The following OPCML variants were observed in gnomAD, a reference collection of about 807,000 sequenced individuals.
The protein encoded by OPCML is opioid-binding protein/cell adhesion molecule.
Under a neutral mutation model 37.8 loss-of-function variants are expected in OPCML, and 13 were observed. The ratio of observed to expected loss-of-function variants is 0.34; its 90% CI spans 0.22 to 0.55. The LOEUF is 0.55. Ranked by LOEUF, OPCML falls within the 20% of genes least tolerant of loss-of-function variation. OPCML has a pLI of 0.91. For synonymous variants in OPCML, 176 were observed against 168.8 expected, an observed-to-expected ratio of 1.04 and a Z score of -0.33; for missense variants, 341 against 435.6, an observed-to-expected ratio of 0.78 and a Z score of 1.93.
intron 2 of OPCML, among the ~76,000 whole-genome samples, chr11:132,908,215 A>G (rs1944308584): frequency 6.6e-6 from 1 of 152,134 alleles, no homozygotes; most frequent in Non-Finnish European, 1.5e-5. Flanking sequence ...CAGGAGCATG[A>G]CAAATGATGT....
At chr11:132,785,819 C>T (rs1349633328) in intron 2 of OPCML, among the ~76,000 whole-genome samples, 1 of 152,216 alleles carries the variant, frequency 6.6e-6, no homozygotes, top group Non-Finnish European at 1.5e-5. Flanking sequence ...TCCCAACCTA[C>T]AGAGGGAGAC....
chr11:132,968,425 C>T (rs964958411), intron 1 of OPCML, among the ~76,000 whole-genome samples: 9 of 152,292 alleles, frequency 5.9e-5, no homozygotes, highest in Admixed American at 3.9e-4. Flanking sequence ...GGAAAGGGGC[C>T]TGAGCATGCT....
At chr11:133,505,823 C>T (rs1948018140) in intron 1 of OPCML, among the ~76,000 whole-genome samples, 1 of 152,178 alleles carries the variant, frequency 6.6e-6, no homozygotes, top group African/African-American at 2.4e-5. Context: ...TGAAGCCTTC[C>T]CTGCTAGGAG....
chr11:133,179,022 C>G (rs1386165868), intron 1 of OPCML, among the ~76,000 whole-genome samples: 1 of 152,134 alleles, frequency 6.6e-6, no homozygotes, highest in African/African-American at 2.4e-5. Flanking sequence ...GCTATTCCCC[C>G]TCCCCCATTT....
chr11:133,421,338 G>A (rs1165201228), intron 1 of OPCML: 1 of 985,274 alleles, frequency 1.0e-6, no homozygotes, highest in Non-Finnish European at 1.2e-6. Context: ...AGCAGTACAG[G>A]AAATGATTAC....
intron 2 of OPCML, among the ~76,000 whole-genome samples, chr11:132,919,104 A>G (rs560146146): frequency 1.2e-3 from 183 of 152,310 alleles, no homozygotes; most frequent in Non-Finnish European, 2.3e-3. Flanking sequence ...AAGTAGATAG[A>G]TAATGAGTTG....
intron 1 of OPCML, among the ~76,000 whole-genome samples, chr11:133,044,160 G>A (rs1947960522): frequency 6.6e-6 from 1 of 152,174 alleles, no homozygotes; most frequent in Non-Finnish European, 1.5e-5. Context: ...ATGTGAGAAG[G>A]GTGTGTGCAT....
At chr11:132,794,088 C>T (rs1392059045) in intron 2 of OPCML, among the ~76,000 whole-genome samples, 3 of 152,206 alleles carry the variant, frequency 2.0e-5, no homozygotes, top group Non-Finnish European at 4.4e-5. Flanking sequence ...TGAAATCCTC[C>T]TACCTCCACC....
chr11:132,840,718 C>T (rs1941250242), intron 2 of OPCML, among the ~76,000 whole-genome samples: 1 of 152,162 alleles, frequency 6.6e-6, no homozygotes, highest in Admixed American at 6.5e-5. Flanking sequence ...TTCACATTCG[C>T]TTTTATAATT....
At chr11:132,460,457 C>T (rs1458586713) in intron 4 of OPCML, among the ~76,000 whole-genome samples, 4 of 152,170 alleles carry the variant, frequency 2.6e-5, no homozygotes, top group Admixed American at 6.5e-5. Flanking sequence ...TGAGTATCCT[C>T]AGGGGTCAAT....
intron 2 of OPCML, among the ~76,000 whole-genome samples, chr11:132,758,393 G>A (rs1214558412): frequency 6.6e-6 from 1 of 152,116 alleles, no homozygotes; most frequent in Non-Finnish European, 1.5e-5. Flanking sequence ...ATTACTTTGG[G>A]CAGTATGGCC....
At chr11:132,645,947 C>T (rs965775925) in intron 3 of OPCML, among the ~76,000 whole-genome samples, 2 of 152,058 alleles carry the variant, frequency 1.3e-5, no homozygotes, top group African/African-American at 4.8e-5. Context: ...GGGAGAAGAA[C>T]ATTAAAGGCA....
intron 1 of OPCML, among the ~76,000 whole-genome samples, chr11:132,984,856 G>A (rs1191328332): frequency 6.6e-6 from 1 of 152,218 alleles, no homozygotes; most frequent in East Asian, 1.9e-4. Flanking sequence ...TCACCCTGCC[G>A]CCCGCTTCCT....
intron 1 of OPCML, among the ~76,000 whole-genome samples, chr11:133,225,695 C>T (rs1387489609): frequency 6.6e-6 from 1 of 152,114 alleles, no homozygotes; most frequent in East Asian, 1.9e-4. Context: ...AGGACTTATC[C>T]GCACTCAGTC....
intron 2 of OPCML, among the ~76,000 whole-genome samples, chr11:132,821,103 T>G (rs1471447630): frequency 1.3e-5 from 2 of 152,146 alleles, no homozygotes; most frequent in Non-Finnish European, 2.9e-5. Flanking sequence ...ACTGTTCTTT[T>G]GCTGACTCTA....
intron 4 of OPCML, among the ~76,000 whole-genome samples, chr11:132,485,084 AT>A (rs1258009932): frequency 7.0e-6 from 1 of 142,752 alleles, no homozygotes; most frequent in Admixed American, 7.3e-5. Flanking sequence ...AAAAATAATA[AT>A]AATAAAATAA....
Position 133,288,080 on chromosome 11 carries a change from T to C in OPCML, c.61+244184A>G, listed in dbSNP as rs182676630. On this transcript the variant is annotated intron_variant, in intron 1 of 7. Transcript: ENST00000524381. ...TGAGAACTTGGATGGATTCTAAGCA[T>C]CTTATTGTGTGTCCATGATAGCACT... Among the ~76,000 whole-genome samples the C allele has an allele frequency of 1.2e-4, 18 of 152,310 alleles. No individual in the cohort carries two copies. In the East Asian group the frequency reaches 3.5e-3, roughly 29 times the overall value.
chr11:132,940,386 G>A (rs975715854), intron 2 of OPCML, among the ~76,000 whole-genome samples: 1 of 152,176 alleles, frequency 6.6e-6, no homozygotes, highest in Non-Finnish European at 1.5e-5. Flanking sequence ...GTATCATTCA[G>A]TGTTTTTTGG....
intron 2 of OPCML, among the ~76,000 whole-genome samples, chr11:132,715,120 C>T (rs1944421630): frequency 6.6e-6 from 1 of 152,200 alleles, no homozygotes; most frequent in Non-Finnish European, 1.5e-5. Context: ...CTGCTCCTCA[C>T]TCTTATTTGA....
Sources: allele counts gnomAD v4.1 joint callset (sites outside exome capture counted in the v4.1 genomes callset), GRCh38; gene constraint gnomAD v4.1.1; transcripts MANE v1.5; gene names NCBI Gene and HGNC (gene_info 2026-07-23, HGNC 2026-07-21).